The following RETREG1 variants were observed in gnomAD, a reference collection of about 807,000 sequenced individuals.
RETREG1 encodes family with sequence similarity 134 member B.
Under a neutral mutation model 54.8 loss-of-function variants are expected in RETREG1, and 44 were observed. The ratio of observed to expected loss-of-function variants is 0.80; its 90% CI spans 0.63 to 1.03. The LOEUF is 1.03. Among genes scored for constraint, RETREG1 ranks in the 50% least tolerant of loss-of-function variants. The probability of loss-of-function intolerance (pLI) is 0.00; values close to 1 mark genes in which losing one functional copy is unlikely to be tolerated. For missense variants in RETREG1, 554 were observed against 605.1 expected (o/e 0.92, Z 0.89); for synonymous variants, 217 against 238.5 (o/e 0.91, Z 0.83).
rs80141864 is a variant in RETREG1 at position 16,524,448 on chromosome 5, C to A, written c.459-40976G>T. Among the ~76,000 whole-genome samples the A allele has an allele frequency of 6.2e-3, 948 of 152,258 alleles. 12 individuals carry two copies. Among genetic ancestry groups the A allele is most frequent in the African/African-American group, 0.022 (898 of 41,536 alleles). On this transcript the variant is annotated intron_variant, in intron 3 of 8. Coordinates refer to ENST00000306320, the MANE Select transcript of RETREG1 (RefSeq NM_001034850.3). ...TCCTATTTCAAGTACTAGAGGAAGT[C>A]CAAGGTTTAAAATAGAAAGGGGACT...
chr5:16,540,183 C>T (rs184644286), intron 3 of RETREG1, among the ~76,000 whole-genome samples: 25 of 152,234 alleles, frequency 1.6e-4, no homozygotes, highest in South Asian at 4.1e-4. Flanking sequence ...TGGATCCCCC[C>T]GCTAAAAACT....
At chr5:16,532,025 T>G (rs182560128) in intron 3 of RETREG1, among the ~76,000 whole-genome samples, 2 of 152,236 alleles carry the variant, frequency 1.3e-5, no homozygotes, top group African/African-American at 4.8e-5. Context: ...GGACCCATTA[T>G]CTCCTTGGCC....
At chr5:16,502,990 T>C (rs2126553860) in intron 3 of RETREG1, among the ~76,000 whole-genome samples, 2 of 152,330 alleles carry the variant, frequency 1.3e-5, no homozygotes, top group South Asian at 4.1e-4. Flanking sequence ...ACCCTCCCCA[T>C]GGCCAACCAT....
In RETREG1 at chr5:16,594,541, A is replaced by G. The variant is rs903975559; in HGVS notation, c.320+22111T>C. The stretch of plus-strand genomic sequence containing the variant: ...GGAGATCAAGACCAGCCTCACCAAC[A>G]TGGCAAAACCCCATCTCTACTAAAA... On this transcript the variant is annotated intron_variant, in intron 1 of 8. Coordinates refer to ENST00000306320, the MANE Select transcript of RETREG1 (RefSeq NM_001034850.3). This position sits in a 1 kb window ranked among gnomAD's most constrained non-coding sequence, Gnocchi z 4.4. 6.6e-6 allele frequency among the ~76,000 whole-genome samples: 1 copy of G among 151,956 alleles called. No homozygotes were observed.
intron 1 of RETREG1, among the ~76,000 whole-genome samples, chr5:16,608,119 A>G (rs1258845515): frequency 6.6e-6 from 1 of 152,078 alleles, no homozygotes; most frequent in Non-Finnish European, 1.5e-5. Flanking sequence ...ACCTCAGGTG[A>G]TATGCCCACC....
chr5:16,501,671 T>C lies in RETREG1; in HGVS notation c.459-18199A>G, dbSNP rs143749353. ...AATTCTTCTGCCTCAGCCTCCCAAG[T>C]ATCTGGGACTACAGGCATGTACCAC... On this transcript the variant is annotated intron_variant, in intron 3 of 8. Coordinates refer to ENST00000306320, the MANE Select transcript of RETREG1 (RefSeq NM_001034850.3). Among the ~76,000 whole-genome samples, 103 of 152,100 alleles carry C rather than the reference T, an allele frequency of 6.8e-4. No individual in the cohort carries two copies. In the East Asian group the frequency reaches 0.019, roughly 28 times the overall value.
At chr5:16,543,299 C>T (rs1439865392) in intron 3 of RETREG1, among the ~76,000 whole-genome samples, 1 of 152,128 alleles carries the variant, frequency 6.6e-6, no homozygotes, top group Non-Finnish European at 1.5e-5. Context: ...ACATGCGGAC[C>T]TGTTTTCATT....
At chr5:16,518,885 T>G (rs1740443785) in intron 3 of RETREG1, among the ~76,000 whole-genome samples, 1 of 152,150 alleles carries the variant, frequency 6.6e-6, no homozygotes, top group Non-Finnish European at 1.5e-5. Context: ...CACAAAGACT[T>G]CCAATGTCAC....
intron 3 of RETREG1, among the ~76,000 whole-genome samples, chr5:16,512,796 T>G (rs1019345351): frequency 6.6e-6 from 1 of 152,158 alleles, no homozygotes; most frequent in African/African-American, 2.4e-5. Flanking sequence ...ACTACATTTC[T>G]CAGACTTGTT....
At chr5:16,527,560 T>C (rs778615211) in intron 3 of RETREG1, among the ~76,000 whole-genome samples, 3 of 152,130 alleles carry the variant, frequency 2.0e-5, no homozygotes, top group Non-Finnish European at 2.9e-5. Flanking sequence ...AGTTGCCTGA[T>C]AGAATTGATA....
intron 6 of RETREG1, 22 bp from the exon 7 acceptor site, chr5:16,478,120 A>T: frequency 6.4e-7 from 1 of 1,572,084 alleles, no homozygotes; most frequent in Non-Finnish European, 8.7e-7. Context: ...AAAATTTGGA[A>T]GCTTTCAGTT....
chr5:16,480,976 A>G (rs781337062), intron 5 of RETREG1, 33 bp downstream of exon 5: 4 of 1,478,962 alleles, frequency 2.7e-6, no homozygotes, highest in Non-Finnish European at 3.8e-6. Context: ...CATATGCATC[A>G]CAACACTTAG....
chr5:16,506,391 G>A (rs1387138097), intron 3 of RETREG1, among the ~76,000 whole-genome samples: 2 of 152,116 alleles, frequency 1.3e-5, no homozygotes, highest in East Asian at 3.9e-4. Context: ...TTTCAGACAA[G>A]GCACCCAAAG....
At chr5:16,610,080 C>A (rs1743296928) in intron 1 of RETREG1, among the ~76,000 whole-genome samples, 1 of 152,148 alleles carries the variant, frequency 6.6e-6, no homozygotes, top group Admixed American at 6.5e-5. Context: ...CAGGACCTCA[C>A]TTTGAGAGCC....
intron 1 of RETREG1, among the ~76,000 whole-genome samples, chr5:16,587,296 G>A (rs957032551): frequency 7.9e-5 from 12 of 152,172 alleles, no homozygotes; most frequent in Admixed American, 2.0e-4. Context: ...CATCTCCATC[G>A]CATGTAATGT....
chr5:16,522,704 T>A (rs1337909218), intron 3 of RETREG1, among the ~76,000 whole-genome samples: 1 of 152,174 alleles, frequency 6.6e-6, no homozygotes, highest in Non-Finnish European at 1.5e-5. Context: ...TTTAATAACT[T>A]TTTTTGAAAT....
At chr5:16,576,298 T>TTTC (rs1338568847) in intron 1 of RETREG1, among the ~76,000 whole-genome samples, 1 of 147,334 alleles carries the variant, frequency 6.8e-6, no homozygotes, top group African/African-American at 2.5e-5. Context: ...CTTTTTCTTT[T>TTTC]TTTTTTTTTT....
At chr5:16,590,914 AAC>A (rs576410281) in intron 1 of RETREG1, among the ~76,000 whole-genome samples, 3 of 151,276 alleles carry the variant, frequency 2.0e-5, no homozygotes, top group South Asian at 2.1e-4. Context: ...AACACAAAAA[AAC>A]ACACACATGC....
intron 3 of RETREG1, among the ~76,000 whole-genome samples, chr5:16,504,050 C>A (rs1230692357): frequency 6.6e-6 from 1 of 152,136 alleles, no homozygotes; most frequent in African/African-American, 2.4e-5. Flanking sequence ...TAATGCTCTC[C>A]CTCCCCCCAA....
Sources: allele counts gnomAD v4.1 joint callset (sites outside exome capture counted in the v4.1 genomes callset), GRCh38; gene constraint gnomAD v4.1.1; non-coding constraint Gnocchi (gnomAD v3.1); transcripts MANE v1.5; gene names NCBI Gene and HGNC (gene_info 2026-07-23, HGNC 2026-07-21).